The following TJP1 variants were observed in gnomAD, a reference collection of about 807,000 sequenced individuals.
The protein encoded by TJP1 is tight junction protein ZO-1.
Under a neutral mutation model 194.2 loss-of-function variants are expected in TJP1, and 43 were observed. That is an observed-to-expected ratio of 0.22 (90% CI 0.17 to 0.29). TJP1 has a LOEUF of 0.29. Ranked by LOEUF, TJP1 falls within the 10% of genes least tolerant of loss-of-function variation. The pLI, the probability that TJP1 is intolerant of heterozygous loss-of-function variation, is 1.00. For missense variants in TJP1, 1,971 were observed against 2,185.7 expected, an observed-to-expected ratio of 0.90 and a Z score of 1.96; for synonymous variants, 801 against 779.0, an observed-to-expected ratio of 1.03 and a Z score of -0.47.
intron 2 of TJP1, among the ~76,000 whole-genome samples, chr15:29,909,948 T>C (rs1009674319): frequency 1.3e-5 from 2 of 152,220 alleles, no homozygotes; most frequent in African/African-American, 4.8e-5. Context: ...TAAGTCTTCA[T>C]CACTTATCTC....
At chr15:29,764,659 A>T (rs992470024) in intron 5 of TJP1, among the ~76,000 whole-genome samples, 11 of 152,178 alleles carry the variant, frequency 7.2e-5, no homozygotes, top group African/African-American at 2.2e-4. Context: ...GGCAAGGGTA[A>T]CTACCATGTC....
chr15:29,911,368 G>T (rs1291921871), intron 2 of TJP1, among the ~76,000 whole-genome samples: 3 of 152,160 alleles, frequency 2.0e-5, no homozygotes. Flanking sequence ...GGAAGAGGCA[G>T]GAAAATAAGA....
chr15:29,820,264 T>A (rs1440640074), intron 1 of TJP1, among the ~76,000 whole-genome samples: 1 of 151,844 alleles, frequency 6.6e-6, no homozygotes, highest in Non-Finnish European at 1.5e-5. Flanking sequence ...TTTAATCACC[T>A]TCAAAAATTA....
intron 18 of TJP1, among the ~76,000 whole-genome samples, chr15:29,723,295 G>C (rs954123936): frequency 3.9e-5 from 6 of 152,154 alleles, no homozygotes; most frequent in African/African-American, 1.4e-4. Flanking sequence ...GTGATCACGA[G>C]GGCGGTTTCT....
intron 8 of TJP1, among the ~76,000 whole-genome samples, chr15:29,756,196 G>A (rs999475552): frequency 3.9e-5 from 6 of 152,030 alleles, no homozygotes; most frequent in African/African-American, 1.4e-4. Flanking sequence ...TCAACTGTGG[G>A]CTCTCTCAGT....
At position 29,758,720 on chromosome 15, in the gene TJP1, G is replaced by A. The variant is rs45491599; in HGVS notation, c.1010+2419C>T. Among the ~76,000 whole-genome samples, 270 of 152,224 alleles carry A rather than the reference G, an allele frequency of 1.8e-3. 1 individual carries two copies. The highest frequency in any genetic ancestry group is 0.017 in the Middle Eastern group (5 of 292). On this transcript the variant is annotated intron_variant, in intron 8 of 27. Transcript: ENST00000614355. ...TCACTGTGTGTGTGTATGTGTTGCGGCAGTAATCCTTTTCCTGATAACAAT... is the reference window on the plus strand; with the variant it reads ...TCACTGTGTGTGTGTATGTGTTGCGACAGTAATCCTTTTCCTGATAACAAT...
chr15:29,795,699 C>T (rs926441778), intron 2 of TJP1, among the ~76,000 whole-genome samples: 1 of 151,910 alleles, frequency 6.6e-6, no homozygotes, highest in Non-Finnish European at 1.5e-5. Context: ...TTCCATGATA[C>T]CAAAACCAGA....
intron 1 of TJP1, among the ~76,000 whole-genome samples, chr15:29,965,833 T>C (rs907614189): frequency 2.6e-5 from 4 of 152,240 alleles, no homozygotes; most frequent in Admixed American, 1.3e-4. Context: ...TCATAGAGCA[T>C]ACCCTTCCCT....
At chr15:29,711,660 C>G (rs138939875) in intron 23 of TJP1, among the ~76,000 whole-genome samples, 2 of 152,210 alleles carry the variant, frequency 1.3e-5, no homozygotes, top group Non-Finnish European at 2.9e-5. Context: ...AGCCACCGCA[C>G]CCGGCCCTAG....
intron 1 of TJP1, among the ~76,000 whole-genome samples, chr15:29,964,000 T>C (rs1232819424): frequency 1.3e-5 from 2 of 152,218 alleles, no homozygotes; most frequent in African/African-American, 2.4e-5. Flanking sequence ...AGACTGCTGA[T>C]AGCAATAAAT....
chr15:29,968,721 A>C, exon 1 of TJP1: 1 of 1,215,008 alleles, frequency 8.2e-7, no homozygotes, highest in Non-Finnish European at 1.1e-6. Context: ...GGTGACGCCG[A>C]TGGCCATCTG....
rs371377070 is a variant in TJP1 at position 29,893,874 on chromosome 15, T to C, written c.306+62358A>G. Among the ~76,000 whole-genome samples, 8 of 152,292 alleles carry C rather than the reference T, an allele frequency of 5.3e-5. No individual in the cohort carries two copies. In the East Asian group the frequency reaches 5.8e-4, roughly 11 times the overall value. On this transcript the variant is annotated intron_variant, in intron 2 of 28. Transcript: ENST00000356107. The stretch of plus-strand genomic sequence containing the variant: ...ATAAACGATAAAAAAACAAAACTTC[T>C]GAAGTAATAGGTTTATACTTGTTCC...
At chr15:29,849,626 C>G (rs878965567) in intron 2 of TJP1, among the ~76,000 whole-genome samples, 1 of 151,832 alleles carries the variant, frequency 6.6e-6, no homozygotes, top group South Asian at 2.1e-4. Context: ...GTAATCCTAG[C>G]TACTCAGGAG....
intron 2 of TJP1, among the ~76,000 whole-genome samples, chr15:29,777,926 G>C (rs1320945817): frequency 2.6e-5 from 4 of 151,806 alleles, no homozygotes; most frequent in African/African-American, 9.7e-5. Context: ...GCTAATCTTT[G>C]TAATTTAGTA....
In TJP1 at chr15:29,914,812, G is replaced by A. The variant is rs147846622; in HGVS notation, c.306+41420C>T. On this transcript the variant is annotated intron_variant, in intron 2 of 28. Transcript: ENST00000356107. ...AGCAAGCACACCCACTGAGAACTAC[G>A]GCACGCTTGGGCCATCTGGCCCCTC... 4.5e-4 allele frequency among the ~76,000 whole-genome samples: 69 copies of A among 151,986 alleles called. 1 individual carries two copies. The highest frequency in any genetic ancestry group is 1.5e-3 in the African/African-American group (64 of 41,448).
At chr15:29,703,645 T>C (rs2041699474) in intron 27 of TJP1, among the ~76,000 whole-genome samples, 1 of 151,882 alleles carries the variant, frequency 6.6e-6, no homozygotes, top group Admixed American at 6.6e-5. Context: ...GGCCATATTA[T>C]CAAAAAAAAA....
rs1595680744 is a variant in TJP1 at position 29,733,034 on chromosome 15, T to G, written c.1736+60A>C. 5.2e-6 allele frequency: 8 copies of G among 1,526,894 alleles called. No individual in the cohort carries two copies. In the East Asian group the frequency reaches 1.8e-4, roughly 34 times the overall value. 94.6% of individuals were successfully genotyped at this position (1,526,894 alleles called of 1,614,324 possible). On this transcript the variant is annotated intron_variant, in intron 13 of 27. Transcript: ENST00000614355. ...CATTACCAAAATTTCCCAGTGGGAT[T>G]GAAATGATCTATCATCATTTACTTG... is the stretch of plus-strand genomic sequence containing the variant.
At chr15:29,733,063 C>T in intron 13 of TJP1, 31 bp downstream of exon 13, 1 of 1,592,858 alleles carries the variant, frequency 6.3e-7, no homozygotes. Flanking sequence ...TTACTTGATT[C>T]ACTCTATGAG....
chr15:29,835,541 T>TG (rs2050997095), intron 2 of TJP1, among the ~76,000 whole-genome samples: 1 of 152,142 alleles, frequency 6.6e-6, no homozygotes, highest in Admixed American at 6.5e-5. Flanking sequence ...TCCCAGCTAC[T>TG]GGCGAGGCTG....
Sources: gnomAD v4.1 joint callset for allele counts (sites outside exome capture counted in the v4.1 genomes callset) on GRCh38, gnomAD v4.1.1 for gene constraint, MANE v1.5 for transcripts, NCBI Gene and HGNC (gene_info 2026-07-23, HGNC 2026-07-21) for gene names.